CHGA: variants seen among roughly 807,000 people sequenced by gnomAD.
CHGA encodes chromogranin A, also known as chromogranin-A.
In CHGA, 41 loss-of-function variants were observed where a neutral mutation model predicts 54.4. That is an observed-to-expected ratio of 0.75 (90% confidence interval 0.59 to 0.98). CHGA has a LOEUF of 0.98. Ranked by LOEUF, CHGA falls within the 50% of genes least tolerant of loss-of-function variation. The probability of loss-of-function intolerance (pLI) is 0.00; values close to 1 mark genes in which losing one functional copy is unlikely to be tolerated. For missense variants in CHGA, 576 were observed against 582.3 expected (o/e 0.99, Z 0.11); for synonymous variants, 249 against 232.8 (o/e 1.07, Z -0.63).
Position 92,926,756 on chromosome 14 carries a change from A to G in CHGA, c.187+58A>G, listed in dbSNP as rs550736713. Reference sequence around the variant, plus strand: ...GCCTGCTGGGCTGGGAGGCTAGGACATGGGTGTGTGGCTTTTGGTGGAATT... The same window carrying G: ...GCCTGCTGGGCTGGGAGGCTAGGACGTGGGTGTGTGGCTTTTGGTGGAATT... On this transcript the variant is annotated intron_variant, in intron 3 of 7. Transcript: ENST00000216492. 75 of 1,414,782 alleles carry G rather than the reference A, an allele frequency of 5.3e-5. No individual in the cohort carries two copies. In the African/African-American group the frequency reaches 9.3e-4, roughly 18 times the overall value. 87.6% of individuals were successfully genotyped at this position (1,414,782 alleles called of 1,614,324 possible). A position where few individuals can be genotyped will look rare whatever the true frequency, so the allele number is the denominator to read the frequency against.
At chr14:92,923,598 T>C (rs975146408) in intron 1 of CHGA, among the ~76,000 whole-genome samples, 193 bp downstream of exon 1, 14 of 152,138 alleles carry the variant, frequency 9.2e-5, no homozygotes, top group African/African-American at 3.4e-4. Context: ...CACAAGACAC[T>C]TGGGCCTGAC....
intron 5 of CHGA, among the ~76,000 whole-genome samples, chr14:92,930,843 C>T (rs1886979149): frequency 6.6e-6 from 1 of 152,208 alleles, no homozygotes; most frequent in Non-Finnish European, 1.5e-5. Flanking sequence ...GAATTGAGCC[C>T]TTTCACAGGA....
chr14:92,931,635 A>C lies in CHGA; in HGVS notation c.741A>C (p.Glu247Asp). The C allele has an allele frequency of 1.2e-6, 2 of 1,611,260 alleles. No homozygotes were observed. The highest frequency in any genetic ancestry group is 1.3e-5 in the African/African-American group (1 of 74,982). Reference sequence around the variant, plus strand: ...CTGGAGAGGAGGCTGTCCCCGAGGAAGAAGGCCCCACTGTAGTGCTGAACC... The same window carrying C: ...CTGGAGAGGAGGCTGTCCCCGAGGACGAAGGCCCCACTGTAGTGCTGAACC... ...AEAGEEAVPE[E>D]EGPTVVLNPH... The change falls in exon 6 of 8, where the codon GAA becomes GAC. Residue 247 changes from glutamate to aspartate, a missense_variant. By Grantham distance (45) the Glu-to-Asp change is conservative. Coordinates refer to ENST00000216492, the MANE Select transcript of CHGA (RefSeq NM_001275.4).
At chr14:92,924,379 T>C (rs1400780580) in intron 2 of CHGA, 134 bp downstream of exon 2, 1 of 831,350 alleles carries the variant, frequency 1.2e-6, no homozygotes, top group Non-Finnish European at 1.8e-6. Flanking sequence ...TGGGGACAGC[T>C]TGCAAAAGAA....
Position 92,926,635 on chromosome 14 carries a change from G to A in CHGA, c.124G>A (p.Asp42Asn), listed in dbSNP as rs147517274. The change falls in exon 3 of 8, where the codon GAC becomes AAC. Residue 42 changes from aspartate (D) to asparagine (N), a missense_variant. By Grantham distance (23) the Asp-to-Asn change is conservative (BLOSUM62 1). Coordinates refer to ENST00000216492, the MANE Select transcript of CHGA (RefSeq NM_001275.4). ...GAAATGCATCGTTGAGGTCATCTCC[G>A]ACACACTTTCCAAGCCCAGCCCCAT... ...VMKCIVEVIS[D>N]TLSKPSPMPV... 2.0e-5 allele frequency: 33 copies of A among 1,613,934 alleles called. No homozygotes were observed. The African/African-American group carries it at 2.7e-4, about 13-fold the overall frequency.
At chr14:92,926,804 T>G in intron 3 of CHGA, 106 bp downstream of exon 3, 1 of 928,506 alleles carries the variant, frequency 1.1e-6, no homozygotes, top group Non-Finnish European at 1.7e-6. Context: ...CAACAGTCAC[T>G]GACTGAGTGC....
rs1886999273 is a variant in CHGA, at chr14:92,931,604, C to A, written c.710C>A (p.Ala237Asp). The A allele has an allele frequency of 3.1e-6, 5 of 1,612,314 alleles. No homozygotes were observed. Among genetic ancestry groups the A allele is most frequent in the Non-Finnish European group, 4.2e-6 (5 of 1,179,512 alleles). Residue 237 changes from alanine to aspartate, a missense_variant, in exon 6 of 8, where the codon GCT becomes GAT. Ala to Asp is a moderately radical substitution (Grantham distance 126). Transcript: ENST00000216492. Reference protein sequence around the residue: ...REEEEEEEEEAEAGEEAVPEE... With the variant: ...REEEEEEEEEDEAGEEAVPEE... Reference sequence around the variant, plus strand: ...GAGGAGGAGGAGGAGGAGGAGGAGGCTGAGGCTGGAGAGGAGGCTGTCCCC... The same window carrying A: ...GAGGAGGAGGAGGAGGAGGAGGAGGATGAGGCTGGAGAGGAGGCTGTCCCC...
At position 92,934,784 on chromosome 14, in the gene CHGA, C is replaced by A. The variant is rs779009398; in HGVS notation, c.1291-17C>A. ...ACTGGCCAGGCTGGCCCGAGTGAACCCCAATGTCTCTCCTAGGACCAGGAG... is the reference window on the plus strand; with the variant it reads ...ACTGGCCAGGCTGGCCCGAGTGAACACCAATGTCTCTCCTAGGACCAGGAG... On this transcript the variant is annotated splice_polypyrimidine_tract_variant and intron_variant, in intron 7 of 7. Coordinates refer to ENST00000216492, the MANE Select transcript of CHGA (RefSeq NM_001275.4). The A allele has an allele frequency of 1.9e-6, 3 of 1,567,012 alleles. No individual in the cohort carries two copies. The Admixed American group carries it at 5.6e-5, about 29-fold the overall frequency.
At chr14:92,931,789 C>G in intron 6 of CHGA, 87 bp downstream of exon 6, 1 of 1,309,678 alleles carries the variant, frequency 7.6e-7, no homozygotes, top group South Asian at 1.4e-5. Context: ...CTCATTCCAC[C>G]TTCATAACAA....
chr14:92,933,214 C>G (rs566036682), intron 7 of CHGA: 230 of 195,384 alleles, frequency 1.2e-3, no homozygotes, highest in African/African-American at 5.1e-3. Context: ...CAGGCTCAGG[C>G]CCTGCCTCTG....
In CHGA at chr14:92,935,154, C is replaced by T. The variant is rs564564243; in HGVS notation, c.*270C>T. ...ACACAGGCAGCTTTCTAGAAGTTTC[C>T]CTTCCTCCATCCTATCCACTGGGCA... On this transcript the variant is annotated 3_prime_UTR_variant, in exon 8 of 8. Transcript: ENST00000216492. 2.1e-6 allele frequency: 1 copy of T among 465,684 alleles called. No individual in the cohort carries two copies. Among genetic ancestry groups the T allele is most frequent in the East Asian group, 3.8e-5 (1 of 26,402 alleles). 28.8% of individuals were successfully genotyped at this position (465,684 alleles called of 1,614,324 possible). A position where few individuals can be genotyped will look rare whatever the true frequency, so the allele number is the denominator to read the frequency against.
upstream of CHGA, chr14:92,923,060 C>A (rs577261826): frequency 2.2e-4 from 59 of 262,526 alleles, 1 homozygote; most frequent in East Asian, 2.6e-3. Flanking sequence ...GACTGGACAC[C>A]TGGGGAGTGG....
chr14:92,934,437 T>C (rs1887075418), intron 7 of CHGA, among the ~76,000 whole-genome samples: 1 of 152,026 alleles, frequency 6.6e-6, no homozygotes, highest in African/African-American at 2.4e-5. Context: ...CCCTGGGTCC[T>C]GGCAACCATG....
At position 92,926,707 on chromosome 14, in the gene CHGA, T is replaced by C; in HGVS notation, c.187+9T>C. The C allele has an allele frequency of 3.7e-6, 6 of 1,612,806 alleles. No individual in the cohort carries two copies. The highest frequency in any genetic ancestry group is 5.1e-6 in the Non-Finnish European group (6 of 1,178,992). The stretch of plus-strand genomic sequence containing the variant: ...TGAGACACTCCGAGGAGGTATGAGC[T>C]GGAGGCTAGGGGTGAGGGCTGCTGC... On this transcript the variant is annotated intron_variant, in intron 3 of 7. Transcript: ENST00000216492.
At chr14:92,928,136 T>C (rs1241052936) in intron 4 of CHGA, among the ~76,000 whole-genome samples, 1 of 152,238 alleles carries the variant, frequency 6.6e-6, no homozygotes, top group African/African-American at 2.4e-5. Flanking sequence ...AAGCGGCCGT[T>C]TCCACCAGGG....
At chr14:92,934,764 C>A in intron 7 of CHGA, 37 bp from the exon 8 acceptor site, 2 of 1,521,586 alleles carry the variant, frequency 1.3e-6, no homozygotes, top group Non-Finnish European at 1.8e-6. Context: ...ATGCCACTGG[C>A]CAGGCTGGCC....
At chr14:92,933,351 C>CT (rs1887053334) in intron 7 of CHGA, 1 of 154,282 alleles carries the variant, frequency 6.5e-6, no homozygotes, top group African/African-American at 2.4e-5. Context: ...GCTGCGTGGA[C>CT]TTGGGAGGGT....
rs974297819 is a variant in CHGA, at chr14:92,934,730, C to A, written c.1291-71C>A. ...CCGAGGCCACACAGCTAACCCAGCGCCTTTCTGGCTTACTGTGCCTTCCAT... is the reference window on the plus strand; with the variant it reads ...CCGAGGCCACACAGCTAACCCAGCGACTTTCTGGCTTACTGTGCCTTCCAT... On this transcript the variant is annotated intron_variant, in intron 7 of 7. Transcript: ENST00000216492. The A allele has an allele frequency of 7.5e-6, 9 of 1,202,314 alleles. No homozygotes were observed. In the African/African-American group the frequency reaches 1.4e-4, roughly 18 times the overall value. 74.5% of individuals were successfully genotyped at this position (1,202,314 alleles called of 1,614,324 possible).
Position 92,932,044 on chromosome 14 carries a change from A to C in CHGA, c.809-326A>C, listed in dbSNP as rs1887010115. 1 of 446,516 alleles carries C rather than the reference A, an allele frequency of 2.2e-6. No individual in the cohort carries two copies. Among genetic ancestry groups the C allele is most frequent in the Non-Finnish European group, 4.0e-6 (1 of 252,732 alleles). 27.7% of individuals were successfully genotyped at this position (446,516 alleles called of 1,614,324 possible). A position where few individuals can be genotyped will look rare whatever the true frequency, so the allele number is the denominator to read the frequency against. ...AACAGAGACCATGGCAGGAGCGCAC[A>C]GGCTGATCTGGGAACAGTGTCAGCT... On this transcript the variant is annotated intron_variant, in intron 6 of 7. Coordinates refer to ENST00000216492, the MANE Select transcript of CHGA (RefSeq NM_001275.4). This position sits in a 1 kb window ranked among gnomAD's most constrained non-coding sequence, Gnocchi z 5.3.
Sources: allele counts gnomAD v4.1 joint callset (sites outside exome capture counted in the v4.1 genomes callset), GRCh38; gene constraint gnomAD v4.1.1; non-coding constraint Gnocchi (gnomAD v3.1); transcripts MANE v1.5; gene names NCBI Gene and HGNC (gene_info 2026-07-23, HGNC 2026-07-21).